Variants in SHISA6 observed in about 807,000 individuals in gnomAD.
The protein encoded by SHISA6 is protein shisa-6.
A neutral mutation model predicts 47.9 loss-of-function variants in SHISA6; 22 were observed. The observed-to-expected ratio is 0.46, with a 90% CI of 0.33 to 0.66. SHISA6 has a LOEUF of 0.66. SHISA6 is among the 30% of genes least tolerant of loss of function. The probability of loss-of-function intolerance (pLI) is 0.02; values close to 1 mark genes in which losing one functional copy is unlikely to be tolerated. For synonymous variants in SHISA6, 388 were observed against 337.8 expected, an observed-to-expected ratio of 1.15 and a Z score of -1.63; for missense variants, 680 against 764.6, an observed-to-expected ratio of 0.89 and a Z score of 1.30.
intron 2 of SHISA6, among the ~76,000 whole-genome samples, chr17:11,322,925 G>T (rs1910758969): frequency 6.6e-6 from 1 of 152,196 alleles, no homozygotes; most frequent in African/African-American, 2.4e-5. Flanking sequence ...TTCTTTAGAA[G>T]TTAAGGGTTC....
Position 11,304,265 on chromosome 17 carries a change from G to A in SHISA6, c.799+40739G>A, listed in dbSNP as rs115390767. Among the ~76,000 whole-genome samples the A allele has an allele frequency of 2.3e-3, 347 of 152,322 alleles. 2 individuals are homozygous for A. The highest frequency in any genetic ancestry group is 7.6e-3 in the African/African-American group (315 of 41,578). ...ACGAAGGCACTGGGGAGGTGGCCGGGTGGCAGTGTGAAGTGGTGCGAACAG... is the reference window on the plus strand; with the variant it reads ...ACGAAGGCACTGGGGAGGTGGCCGGATGGCAGTGTGAAGTGGTGCGAACAG... On this transcript the variant is annotated intron_variant, in intron 2 of 5. Transcript: ENST00000441885.
At chr17:11,353,341 CA>C (rs1465237795) in intron 2 of SHISA6, among the ~76,000 whole-genome samples, 1 of 151,788 alleles carries the variant, frequency 6.6e-6, no homozygotes, top group Non-Finnish European at 1.5e-5. Context: ...CATGTAGTCC[CA>C]GCTACTCGGG....
intron 3 of SHISA6, among the ~76,000 whole-genome samples, chr17:11,535,264 G>A (rs1567632574): frequency 6.6e-6 from 1 of 152,214 alleles, no homozygotes; most frequent in Non-Finnish European, 1.5e-5. Context: ...GCAGTGCTAT[G>A]CATGGAGATT....
chr17:11,420,183 G>A (rs1361953445), intron 3 of SHISA6, among the ~76,000 whole-genome samples: 1 of 152,182 alleles, frequency 6.6e-6, no homozygotes. Context: ...CAGCCTGGGC[G>A]ATAGAGGGAG....
At chr17:11,524,476 CTTTTCTTT>C (rs1417302645) in intron 3 of SHISA6, among the ~76,000 whole-genome samples, 5 of 150,866 alleles carry the variant, frequency 3.3e-5, no homozygotes, top group South Asian at 2.1e-4. Flanking sequence ...TCCATAATTT[CTTTTCTTT>C]TTTTCTTTTT....
At chr17:11,528,092 G>A (rs903342501) in intron 3 of SHISA6, among the ~76,000 whole-genome samples, 1 of 152,042 alleles carries the variant, frequency 6.6e-6, no homozygotes, top group Admixed American at 6.5e-5. Flanking sequence ...CAAATTTGGG[G>A]GGTTGGGGGT....
chr17:11,425,339 T>A (rs1432218516), intron 3 of SHISA6, among the ~76,000 whole-genome samples: 5 of 151,986 alleles, frequency 3.3e-5, no homozygotes, highest in Admixed American at 3.3e-4. Flanking sequence ...ATGGCCAATC[T>A]AGATCATGCT....
At chr17:11,385,822 G>A (rs1391545592) in intron 3 of SHISA6, among the ~76,000 whole-genome samples, 5 of 152,138 alleles carry the variant, frequency 3.3e-5, no homozygotes, top group Admixed American at 3.3e-4. Flanking sequence ...AGGGTGGTGT[G>A]CTGTCTTGGA....
At chr17:11,312,919 G>A (rs1177674296) in intron 2 of SHISA6, among the ~76,000 whole-genome samples, 1 of 152,010 alleles carries the variant, frequency 6.6e-6, no homozygotes, top group Non-Finnish European at 1.5e-5. Context: ...TCTTTTTATA[G>A]GTAAAGGCGT....
chr17:11,444,255 G>A (rs1438543097), intron 3 of SHISA6, among the ~76,000 whole-genome samples: 1 of 152,144 alleles, frequency 6.6e-6, no homozygotes, highest in African/African-American at 2.4e-5. Context: ...GGAGGTAGAG[G>A]TTGCAATGAG....
chr17:11,383,487 C>T (rs948014650), intron 3 of SHISA6, among the ~76,000 whole-genome samples: 1 of 151,926 alleles, frequency 6.6e-6, no homozygotes, highest in African/African-American at 2.4e-5. Context: ...CCTGTGGGAG[C>T]TCCATATCCC....
At chr17:11,547,452 T>C (rs898465729) in intron 3 of SHISA6, among the ~76,000 whole-genome samples, 1 of 152,194 alleles carries the variant, frequency 6.6e-6, no homozygotes, top group Non-Finnish European at 1.5e-5. Flanking sequence ...TTTAACACTC[T>C]ACTAAATAAC....
At chr17:11,371,670 T>C (rs1912633677) in intron 2 of SHISA6, among the ~76,000 whole-genome samples, 1 of 152,160 alleles carries the variant, frequency 6.6e-6, no homozygotes, top group Non-Finnish European at 1.5e-5. Context: ...CTTGTACTTC[T>C]TTTTATAAAA....
In SHISA6 at chr17:11,546,928, C is replaced by CA. The variant is rs11360682; in HGVS notation, c.896-4957dup. On this transcript the variant is annotated intron_variant, in intron 3 of 5. Coordinates refer to ENST00000441885, the MANE Select transcript of SHISA6 (RefSeq NM_207386.4). ...TGGGCAATAGAGCAAGACTCCATCT[C>CA]AAAAAAAAAAAGAAAAACAAAGGAC... Among the ~76,000 whole-genome samples the CA allele has an allele frequency of 2.5e-3, 328 of 133,192 alleles. 1 individual carries two copies. The highest frequency in any genetic ancestry group is 5.6e-3 in the African/African-American group (202 of 36,026). The allele number at this position is 133,192 out of a possible 152,430, so 87.4% of individuals were successfully genotyped here.
intron 1 of SHISA6, among the ~76,000 whole-genome samples, chr17:11,260,454 G>A (rs370599353): frequency 7.2e-5 from 11 of 152,010 alleles, no homozygotes; most frequent in Middle Eastern, 6.8e-3. Flanking sequence ...GTCGTGTCCC[G>A]AGTCCCTCAC....
At chr17:11,498,924 A>C (rs1344283490) in intron 3 of SHISA6, among the ~76,000 whole-genome samples, 1 of 152,222 alleles carries the variant, frequency 6.6e-6, no homozygotes, top group East Asian at 1.9e-4. Flanking sequence ...GTCCTCACTC[A>C]GTAAGTGTTT....
intron 2 of SHISA6, among the ~76,000 whole-genome samples, chr17:11,273,100 G>A (rs942241174): frequency 6.6e-6 from 1 of 152,190 alleles, no homozygotes; most frequent in African/African-American, 2.4e-5. Flanking sequence ...TCTAATTCTT[G>A]TAACAAGCCC....
intron 3 of SHISA6, among the ~76,000 whole-genome samples, chr17:11,389,834 C>T (rs1185654541): frequency 6.6e-6 from 1 of 152,172 alleles, no homozygotes; most frequent in Non-Finnish European, 1.5e-5. Context: ...CATTTGCTTC[C>T]CTCATTCTCT....
At chr17:11,429,614 T>C (rs1914695063) in intron 3 of SHISA6, among the ~76,000 whole-genome samples, 1 of 141,248 alleles carries the variant, frequency 7.1e-6, no homozygotes, top group South Asian at 2.2e-4. Flanking sequence ...AAACCCCATC[T>C]CTACTTAAAA....
Sources: allele counts gnomAD v4.1 joint callset (sites outside exome capture counted in the v4.1 genomes callset), GRCh38; gene constraint gnomAD v4.1.1; transcripts MANE v1.5; gene names NCBI Gene and HGNC (gene_info 2026-07-23, HGNC 2026-07-21).